The following CFH variants were observed in gnomAD, a reference collection of about 807,000 sequenced individuals.
CFH encodes the protein H factor 1 (complement).
A neutral mutation model predicts 147.3 loss-of-function variants in CFH; 53 were observed. The observed-to-expected ratio is 0.36, with a 90% CI of 0.29 to 0.45. The LOEUF (loss-of-function observed/expected upper bound fraction) is 0.45. Among genes scored for constraint, CFH ranks in the 20% least tolerant of loss-of-function variants. The probability of loss-of-function intolerance (pLI) is 1.00; values close to 1 mark genes in which losing one functional copy is unlikely to be tolerated. For synonymous variants in CFH, 536 were observed against 489.4 expected, an observed-to-expected ratio of 1.10 and a Z score of -1.26; for missense variants, 1,380 against 1,498.0, an observed-to-expected ratio of 0.92 and a Z score of 1.30.
intron 1 of CFH, among the ~76,000 whole-genome samples, chr1:196,657,546 GC>G (rs1214632703): frequency 6.6e-6 from 1 of 152,130 alleles, no homozygotes; most frequent in Non-Finnish European, 1.5e-5. Flanking sequence ...GCAGATTTTG[GC>G]CTGTGTGGGA....
chr1:196,689,644 T>C, intron 8 of CFH, 30 bp downstream of exon 8: 1 of 1,608,244 alleles, frequency 6.2e-7, no homozygotes, highest in Non-Finnish European at 8.5e-7. Context: ...GCTATATATA[T>C]GTATAAAACT....
At chr1:196,673,261 GC>G in intron 2 of CFH, 98 bp downstream of exon 2, 1 of 1,099,842 alleles carries the variant, frequency 9.1e-7, no homozygotes, top group Non-Finnish European at 1.4e-6. Context: ...TATCACTATT[GC>G]CAGTCAAATA....
At chr1:196,673,825 A>G (rs759005445) in intron 2 of CFH, 32 bp from the exon 3 acceptor site, 8 of 1,303,418 alleles carry the variant, frequency 6.1e-6, no homozygotes, top group Non-Finnish European at 8.9e-6. Context: ...TTGCTATTAC[A>G]TACTAATTCA....
chr1:196,745,168 T>C (rs1282329384), intron 20 of CFH, among the ~76,000 whole-genome samples: 1 of 152,130 alleles, frequency 6.6e-6, no homozygotes, highest in Non-Finnish European at 1.5e-5. Context: ...TTATCCTCTT[T>C]GGAGTTCACT....
At chr1:196,684,669 G>A (rs577254053) in intron 6 of CFH, among the ~76,000 whole-genome samples, 52 of 152,096 alleles carry the variant, frequency 3.4e-4, no homozygotes, top group African/African-American at 7.9e-4. Context: ...GAAGGGTTGC[G>A]CAGTCCTATC....
chr1:196,680,806 A>C (rs778859310), intron 6 of CFH, among the ~76,000 whole-genome samples: 1 of 151,938 alleles, frequency 6.6e-6, no homozygotes, highest in Non-Finnish European at 1.5e-5. Context: ...TTACAAAAGA[A>C]TAGTTAATTT....
intron 6 of CFH, among the ~76,000 whole-genome samples, chr1:196,684,614 T>C (rs1283769448): frequency 6.6e-6 from 1 of 152,034 alleles, no homozygotes; most frequent in East Asian, 1.9e-4. Flanking sequence ...TCCACTTTTA[T>C]TATAGTCTCC....
At chr1:196,739,068 T>G (rs1402718404) in intron 17 of CFH, among the ~76,000 whole-genome samples, 1 of 152,230 alleles carries the variant, frequency 6.6e-6, no homozygotes, top group African/African-American at 2.4e-5. Context: ...AGCTGTTTGT[T>G]GGCCCCTTTT....
At chr1:196,700,671 A>C (rs574587604) in intron 9 of CFH, among the ~76,000 whole-genome samples, 1 of 151,752 alleles carries the variant, frequency 6.6e-6, no homozygotes, top group Non-Finnish European at 1.5e-5. Flanking sequence ...AAAAAAAAGA[A>C]AAGAAAAAAA....
At chr1:196,672,015 T>G (rs930914425) in intron 1 of CFH, among the ~76,000 whole-genome samples, 1 of 152,004 alleles carries the variant, frequency 6.6e-6, no homozygotes, top group Non-Finnish European at 1.5e-5. Context: ...ACTAGTTGTG[T>G]ATTTGAGTCA....
chr1:196,688,310 A>G (rs1667897811), intron 7 of CFH, among the ~76,000 whole-genome samples: 1 of 152,178 alleles, frequency 6.6e-6, no homozygotes, highest in Admixed American at 6.5e-5. Flanking sequence ...AACTCAGTAA[A>G]ATGTAATTAT....
At chr1:196,674,923 A>G (rs187436442) in intron 3 of CFH, among the ~76,000 whole-genome samples, 2 of 152,304 alleles carry the variant, frequency 1.3e-5, no homozygotes, top group East Asian at 3.9e-4. Flanking sequence ...CTTGAGATAT[A>G]GTAGATACCA....
chr1:196,653,256 A>C (rs1666565982), intron 1 of CFH, among the ~76,000 whole-genome samples: 1 of 151,738 alleles, frequency 6.6e-6, no homozygotes, highest in African/African-American at 2.4e-5. Context: ...ATATTTTCTA[A>C]TGTTATTGCT....
At chr1:196,659,377 A>C (rs545319238) in intron 1 of CFH, among the ~76,000 whole-genome samples, 1 of 152,272 alleles carries the variant, frequency 6.6e-6, no homozygotes, top group East Asian at 1.9e-4. Flanking sequence ...CAAGCCCCCA[A>C]ATTGGGTCTT....
chr1:196,734,772 C>T (rs756292661), intron 15 of CFH, among the ~76,000 whole-genome samples: 1 of 151,610 alleles, frequency 6.6e-6, no homozygotes, highest in African/African-American at 2.4e-5. Context: ...TTACTTTGTC[C>T]TCAATTTTAT....
chr1:196,740,156 C>T (rs1652762609), intron 17 of CFH, among the ~76,000 whole-genome samples: 1 of 152,192 alleles, frequency 6.6e-6, no homozygotes, highest in African/African-American at 2.4e-5. Flanking sequence ...AGGATTATGG[C>T]AATTGCAATT....
At chr1:196,676,266 T>A (rs900097214) in intron 4 of CFH, among the ~76,000 whole-genome samples, 1 of 152,138 alleles carries the variant, frequency 6.6e-6, no homozygotes, top group African/African-American at 2.4e-5. Flanking sequence ...CAGCCTGATC[T>A]GATATAATAA....
Position 196,726,080 on chromosome 1 carries a change from T to G in CFH, c.1874-390T>G, listed in dbSNP as rs1028710742. Among the ~76,000 whole-genome samples, 7 of 152,232 alleles carry G rather than the reference T, an allele frequency of 4.6e-5. No individual in the cohort carries two copies. The East Asian group carries it at 1.3e-3, about 29-fold the overall frequency. On this transcript the variant is annotated intron_variant, in intron 12 of 21. Transcript: ENST00000367429. Reference sequence around the variant, plus strand: ...CTAAACAATATTTAAGCAGCTTATATTCAATTCAGTTGCTTGTATTGATTA... The same window carrying G: ...CTAAACAATATTTAAGCAGCTTATAGTCAATTCAGTTGCTTGTATTGATTA...
rs180762668 is a variant in CFH at position 196,661,938 on chromosome 1, G to T, written c.58+9763G>T. Among the ~76,000 whole-genome samples, 313 of 152,238 alleles carry T rather than the reference G, an allele frequency of 2.1e-3. 5 individuals carry two copies. The highest frequency in any genetic ancestry group is 7.0e-3 in the African/African-American group (290 of 41,538). The stretch of plus-strand genomic sequence containing the variant: ...AATAAATTGCCTCAAGGAATTGTGA[G>T]CATGAGATAAGCAAGTCTGAAATCC... On this transcript the variant is annotated intron_variant, in intron 1 of 21. Coordinates refer to ENST00000367429, the MANE Select transcript of CFH (RefSeq NM_000186.4).
Sources: allele counts gnomAD v4.1 joint callset (sites outside exome capture counted in the v4.1 genomes callset), GRCh38; gene constraint gnomAD v4.1.1; transcripts MANE v1.5; gene names NCBI Gene and HGNC (gene_info 2026-07-23, HGNC 2026-07-21).